TENM1: variants seen among roughly 807,000 people sequenced by gnomAD.
TENM1 encodes teneurin-1.
Under a neutral mutation model 174.8 loss-of-function variants are expected in TENM1, and 35 were observed. The ratio of observed to expected loss-of-function variants is 0.20; its 90% CI spans 0.15 to 0.27. TENM1 has a LOEUF of 0.27. Ranked by LOEUF, TENM1 falls within the 10% of genes least tolerant of loss-of-function variation. The pLI is 1.00. For missense variants in TENM1, 1,633 were observed against 2,130.1 expected (o/e 0.77, Z 4.59); for synonymous variants, 781 against 798.7 (o/e 0.98, Z 0.37).
At chrX:125,146,939 A>C in the TENM1 span, among the ~76,000 whole-genome samples, 1 of 110,802 alleles carries the variant, frequency 9.0e-6, no homozygotes, top group African/African-American at 3.3e-5. Flanking sequence ...ACAGAGATTC[A>C]TTTTTTTCCA....
the TENM1 span, among the ~76,000 whole-genome samples, chrX:125,125,770 T>C: frequency 2.7e-5 from 3 of 112,053 alleles, no homozygotes; most frequent in Admixed American, 1.9e-4. Flanking sequence ...TCCCACAACA[T>C]AGTTAGTAAC....
rs1426754344 is a variant in TENM1, at chrX:124,571,675, C to T, written c.2078-6115G>A. ...AAAATAAATTAGAGACTGCTATTAACAACTTTATGCAAGTAAGTCTGAAAC... is the reference window on the plus strand; with the variant it reads ...AAAATAAATTAGAGACTGCTATTAATAACTTTATGCAAGTAAGTCTGAAAC... On this transcript the variant is annotated intron_variant, in intron 11 of 31. Coordinates refer to ENST00000422452, the Ensembl canonical transcript of TENM1. 2.7e-5 allele frequency among the ~76,000 whole-genome samples: 3 copies of T among 111,842 alleles called. No individual in the cohort carries two copies. In the Admixed American group the frequency reaches 2.8e-4, roughly 11 times the overall value.
At chrX:124,537,448 A>T (rs2048228903) in intron 15 of TENM1, among the ~76,000 whole-genome samples, 1 of 111,832 alleles carries the variant, frequency 8.9e-6, no homozygotes, top group African/African-American at 3.2e-5. Context: ...AAAGTTTTGC[A>T]CTTAACACAG....
chrX:124,985,309 A>T, the TENM1 span, among the ~76,000 whole-genome samples: 1 of 112,440 alleles, frequency 8.9e-6, no homozygotes, highest in Non-Finnish European at 1.9e-5. Context: ...ATACTCTTTG[A>T]TTAAGCAGAG....
chrX:125,129,489 T>C, the TENM1 span, among the ~76,000 whole-genome samples: 1 of 111,747 alleles, frequency 8.9e-6, no homozygotes, highest in African/African-American at 3.2e-5. Context: ...TATGTTATTT[T>C]AAAATGTACA....
At chrX:125,008,915 C>CCACA in the TENM1 span, among the ~76,000 whole-genome samples, 1 of 110,913 alleles carries the variant, frequency 9.0e-6, no homozygotes, top group Admixed American at 9.6e-5. Context: ...CACTAAAGGC[C>CCACA]CACATCAGAA....
chrX:124,487,194 A>C lies in TENM1; in HGVS notation c.3716+15T>G, dbSNP rs2046971212. On this transcript the variant is annotated intron_variant, in intron 21 of 31. Coordinates refer to ENST00000422452, the Ensembl canonical transcript of TENM1. ...AAGAGGGGGCATTAGGTAGCTGCTG[A>C]TGTGATTTGCTTACCTATGTCTGGT... 4 of 1,164,796 alleles carry C rather than the reference A, an allele frequency of 3.4e-6. No individual in the cohort carries two copies. The highest frequency in any genetic ancestry group is 6.5e-5 in the East Asian group (2 of 30,717).
In TENM1 at chrX:124,671,690, C is replaced by T. The variant is rs1402592486; in HGVS notation, c.1161G>A (p.Glu387=). ...TCATTTTGATCACTGTACCTTTTTT[C>T]TCTGATTTATCAGAAACTTTTCCTC... Residue 387 remains glutamate (E), a synonymous_variant, in exon 6 of 32, where the codon GAG becomes GAA. Transcript: ENST00000422452. The T allele has an allele frequency of 5.8e-6, 7 of 1,201,479 alleles. No homozygotes were observed. In the Admixed American group the frequency reaches 6.8e-5, roughly 12 times the overall value.
chrX:125,026,041 A>G, the TENM1 span, among the ~76,000 whole-genome samples: 3 of 111,274 alleles, frequency 2.7e-5, no homozygotes, highest in African/African-American at 9.8e-5. Flanking sequence ...TGTGAATAAA[A>G]GAAAAGGAAA....
chrX:125,201,799 T>TA, the TENM1 span, among the ~76,000 whole-genome samples: 1 of 112,006 alleles, frequency 8.9e-6, no homozygotes, highest in African/African-American at 3.2e-5. Context: ...TAATTACTCT[T>TA]AAAAACCCCA....
intron 21 of TENM1, among the ~76,000 whole-genome samples, chrX:124,483,329 G>A (rs759559309): frequency 1.8e-5 from 2 of 111,069 alleles, no homozygotes; most frequent in Admixed American, 1.9e-4. Flanking sequence ...TTGTTTATGC[G>A]TTGTTTGCAT....
At chrX:124,660,505 A>G (rs911760966) in intron 6 of TENM1, among the ~76,000 whole-genome samples, 2 of 112,106 alleles carry the variant, frequency 1.8e-5, no homozygotes, top group Non-Finnish European at 1.9e-5. Context: ...TCTATGGTAT[A>G]TTAAGGAGGC....
chrX:124,445,267 T>C (rs1199010500), intron 23 of TENM1, among the ~76,000 whole-genome samples: 1 of 111,529 alleles, frequency 9.0e-6, no homozygotes, highest in Non-Finnish European at 1.9e-5. Context: ...CAAGAAGAGC[T>C]TGTCATCAGT....
rs182143876 is a variant in TENM1 at position 124,827,627 on chromosome X, C to G, written c.535+66669G>C. Among the ~76,000 whole-genome samples, 403 of 111,331 alleles carry G rather than the reference C, an allele frequency of 3.6e-3. 1 individual carries two copies. Among genetic ancestry groups the G allele is most frequent in the African/African-American group, 0.012 (374 of 30,499 alleles). ...TGACCTTCCCTGTGGTCAAGGTTCACATTATTATTTTTTTTTATATGGAGG... is the reference window on the plus strand; with the variant it reads ...TGACCTTCCCTGTGGTCAAGGTTCAGATTATTATTTTTTTTTATATGGAGG... On this transcript the variant is annotated intron_variant, in intron 3 of 31. Coordinates refer to ENST00000422452, the Ensembl canonical transcript of TENM1.
At chrX:124,418,175 C>T (rs898974555) in intron 25 of TENM1, among the ~76,000 whole-genome samples, 2 of 112,407 alleles carry the variant, frequency 1.8e-5, no homozygotes, top group African/African-American at 6.5e-5. Context: ...TTTACAGTGG[C>T]CTACAAGGCC....
chrX:125,016,508 G>C, the TENM1 span, among the ~76,000 whole-genome samples: 11 of 111,103 alleles, frequency 9.9e-5, no homozygotes, highest in Non-Finnish European at 1.7e-4. Context: ...ACTTACAAGG[G>C]ACGTGAAGGA....
At chrX:125,090,763 A>G in the TENM1 span, among the ~76,000 whole-genome samples, 1 of 110,866 alleles carries the variant, frequency 9.0e-6, no homozygotes, top group African/African-American at 3.3e-5. Flanking sequence ...TAAGTCTTGC[A>G]GGATGAGTAG....
chrX:124,753,935 T>C (rs1178008771), intron 3 of TENM1, among the ~76,000 whole-genome samples: 2 of 111,784 alleles, frequency 1.8e-5, no homozygotes, highest in Non-Finnish European at 3.8e-5. Context: ...ATCAAGGATA[T>C]TGGTCTAAAA....
chrX:125,132,349 T>C, the TENM1 span, among the ~76,000 whole-genome samples: 2 of 112,063 alleles, frequency 1.8e-5, no homozygotes, highest in Non-Finnish European at 3.8e-5. Context: ...TGATTACACC[T>C]GTTAGTATAA....
Sources: allele counts gnomAD v4.1 joint callset (sites outside exome capture counted in the v4.1 genomes callset), GRCh38; gene constraint gnomAD v4.1.1; transcripts MANE v1.5; gene names NCBI Gene and HGNC (gene_info 2026-07-23, HGNC 2026-07-21).